The following ZNF20 variants were observed in gnomAD, a reference collection of about 807,000 sequenced individuals.
The protein encoded by ZNF20 is zinc finger protein KOX13.
In ZNF20, 9 loss-of-function variants were observed where a neutral mutation model predicts 11.0. The ratio of observed to expected loss-of-function variants is 0.82; its 90% CI spans 0.49 to 1.43. The LOEUF (loss-of-function observed/expected upper bound fraction) is 1.43. Ranked by LOEUF, ZNF20 falls within the 40% of genes most tolerant of loss-of-function variation. ZNF20 has a pLI of 0.00. For synonymous variants in ZNF20, 182 were observed against 213.0 expected (o/e 0.85, Z 1.27); for missense variants, 528 against 640.8 (o/e 0.82, Z 1.90).
At chr19:12,135,726 ATTTGTTCT>A in intron 2 of ZNF20, 35 bp downstream of exon 2, 1 of 1,608,678 alleles carries the variant, frequency 6.2e-7, no homozygotes. Context: ...AGCTAGAAGC[ATTTGTTCT>A]CTAATTCACT....
At chr19:12,138,244 G>C (rs1976743230) in intron 1 of ZNF20, among the ~76,000 whole-genome samples, 1 of 152,022 alleles carries the variant, frequency 6.6e-6, no homozygotes, top group Admixed American at 6.6e-5. Context: ...TTTGAGCTCA[G>C]GAGTTCGAGA....
rs199517197 is a variant in ZNF20 at position 12,133,821 on chromosome 19, G to A, written c.365C>T (p.Thr122Met). 41 of 1,614,028 alleles carry A rather than the reference G, an allele frequency of 2.5e-5. No homozygotes were observed. Among genetic ancestry groups the A allele is most frequent in the Non-Finnish European group, 3.1e-5 (36 of 1,180,042 alleles). The change falls in exon 4 of 4, where the codon ACG (threonine) becomes ATG (methionine). Residue 122 changes from threonine (T) to methionine (M), a missense_variant. Coordinates refer to ENST00000334213, the MANE Select transcript of ZNF20 (RefSeq NM_021143.4). ...EVGTGHSSLNTHIRADTGHKS... is the reference protein window; with the variant it reads ...EVGTGHSSLNMHIRADTGHKS... ...GTGTCCAGTGTCAGCTCTGATATGC[G>A]TATTAAGAGATGAATGACCCGTGCC...
At position 12,132,974 on chromosome 19, in the gene ZNF20, G is replaced by A. The variant is rs1976647981; in HGVS notation, c.1212C>T (p.Phe404=). The A allele has an allele frequency of 6.2e-7, 1 of 1,613,634 alleles. No individual in the cohort carries two copies. Among genetic ancestry groups the A allele is most frequent in the Admixed American group, 1.7e-5 (1 of 59,954 alleles). The change falls in exon 4 of 4, where the codon TTC becomes TTT. Residue 404 remains phenylalanine (F), a synonymous_variant. Coordinates refer to ENST00000334213, the MANE Select transcript of ZNF20 (RefSeq NM_021143.4). Reference sequence around the variant, plus strand: ...GTATACGCAAGGAAGAAAAATACTTGAATACTTTTCCACATTCCTTACATT... The same window carrying A: ...GTATACGCAAGGAAGAAAAATACTTAAATACTTTTCCACATTCCTTACATT... The part of the protein sequence containing the change: ...PHECKECGKV[F]KYFSSLRIHE...
chr19:12,131,911 TC>T lies in ZNF20; in HGVS notation c.*675del, dbSNP rs1249755873. 1.3e-5 allele frequency: 2 copies of T among 152,238 alleles called. No individual in the cohort carries two copies. Among genetic ancestry groups the T allele is most frequent in the Non-Finnish European group, 2.9e-5 (2 of 68,040 alleles). 9.4% of individuals were successfully genotyped at this position (152,238 alleles called of 1,614,324 possible). ...TGAATAACAGCAAATGCTTGAAATT[TC>T]CTGATAAGAGCAAGGTGGCTCTTCT... On this transcript the variant is annotated 3_prime_UTR_variant, in exon 4 of 4. Transcript: ENST00000334213.
In ZNF20 at chr19:12,133,183, C is replaced by T. The variant is rs767010680; in HGVS notation, c.1003G>A (p.Gly335Arg). The change falls in exon 4 of 4, where the codon GGA (glycine) becomes AGA (arginine). Residue 335 changes from glycine to arginine, a missense_variant. Physicochemically the swap from Gly to Arg is moderately radical, Grantham distance 125. Coordinates refer to ENST00000334213, the MANE Select transcript of ZNF20 (RefSeq NM_021143.4). ...TGCCTACATTCATAGGGTTTCTCTC[C>T]AGTGTGAGTCCTTCCATGCTTTTGA... ...HLQKHGRTHT[G>R]EKPYECRQCG... The T allele has an allele frequency of 5.0e-6, 8 of 1,613,814 alleles. No individual in the cohort carries two copies. The Admixed American group carries it at 1.0e-4, about 20-fold the overall frequency.
At chr19:12,136,056 C>T (rs1282266720) in intron 1 of ZNF20, 152 bp from the exon 2 acceptor site, 2 of 1,007,514 alleles carry the variant, frequency 2.0e-6, no homozygotes, top group Non-Finnish European at 2.8e-6. Context: ...CACGTCCTCC[C>T]ACAAACCAAC....
Position 12,133,943 on chromosome 19 carries a change from GTGA to G in ZNF20, c.240_242del (p.His81del), listed in dbSNP as rs1976668995. The G allele has an allele frequency of 3.1e-6, 5 of 1,611,922 alleles. No homozygotes were observed. The Admixed American group carries it at 8.4e-5, about 27-fold the overall frequency. On this transcript the variant is annotated inframe_deletion, in exon 4 of 4. Transcript: ENST00000334213. Reference sequence around the variant, plus strand: ...CAATCTGGTTGAAGCTTTCTCCACAGTGATGACTTTCTTTACTTTCACAGAGTT... The same window carrying G: ...CAATCTGGTTGAAGCTTTCTCCACAGTGACTTTCTTTACTTTCACAGAGTT...
In ZNF20 at chr19:12,131,455, C is replaced by T. The variant is rs1976621193; in HGVS notation, c.*1132G>A. On this transcript the variant is annotated 3_prime_UTR_variant, in exon 4 of 4. Transcript: ENST00000334213. Reference sequence around the variant, plus strand: ...TTACCACAGTATATTATTACACCCTCTTTGACGACACTTATGCCACTGGTG... The same window carrying T: ...TTACCACAGTATATTATTACACCCTTTTTGACGACACTTATGCCACTGGTG... 6.6e-6 allele frequency: 1 copy of T among 152,186 alleles called. No individual in the cohort carries two copies. The highest frequency in any genetic ancestry group is 1.5e-5 in the Non-Finnish European group (1 of 68,042). 9.4% of individuals were successfully genotyped at this position (152,186 alleles called of 1,614,324 possible). A position where few individuals can be genotyped will look rare whatever the true frequency, so the allele number is the denominator to read the frequency against.
Position 12,132,564 on chromosome 19 carries a change from G to A in ZNF20, c.*23C>T, listed in dbSNP as rs375486169. 72 of 1,540,056 alleles carry A rather than the reference G, an allele frequency of 4.7e-5. No individual in the cohort carries two copies. The highest frequency in any genetic ancestry group is 5.1e-5 in the Non-Finnish European group (58 of 1,147,828). On this transcript the variant is annotated 3_prime_UTR_variant, in exon 4 of 4. Coordinates refer to ENST00000334213, the MANE Select transcript of ZNF20 (RefSeq NM_021143.4). ...AGTGGGACAACAGAAAGCTTCTCCC[G>A]TTGCTTCCACTAAAAGGATTTCTCA...
rs1467156059 is a variant in ZNF20 at position 12,133,715 on chromosome 19, G to A, written c.471C>T (p.Ser157=). 2.0e-5 allele frequency: 32 copies of A among 1,614,160 alleles called. No individual in the cohort carries two copies. Among genetic ancestry groups the A allele is most frequent in the Non-Finnish European group, 2.7e-5 (32 of 1,180,028 alleles). The change falls in exon 4 of 4, where the codon TCC becomes TCT. Residue 157 remains serine (S), a synonymous_variant. Transcript: ENST00000334213. The part of the protein sequence containing the change: ...ECKKAFSYLD[S]FQSHDKACTK... ...TGCAAGCTTTATCATGTGATTGAAA[G>A]GAGTCAAGATAACTGAAGGCTTTCT...
Position 12,135,549 on chromosome 19 carries a change from T to C in ZNF20, c.151A>G (p.Lys51Glu), listed in dbSNP as rs143550373. ...KNLTSVGKTW[K>E]VQNIEDEYKN... is the part of the protein sequence containing the mutation. Reference sequence around the variant, plus strand: ...TACTCATCTTCAATGTTCTGAACTTTCCATGTTTTTCCTAAAACACAGACC... The same window carrying C: ...TACTCATCTTCAATGTTCTGAACTTCCCATGTTTTTCCTAAAACACAGACC... The change falls in exon 3 of 4, where the codon AAA becomes GAA. Residue 51 changes from lysine (K) to glutamate (E), a missense_variant. Coordinates refer to ENST00000334213, the MANE Select transcript of ZNF20 (RefSeq NM_021143.4). The C allele has an allele frequency of 2.5e-6, 4 of 1,612,834 alleles. No individual in the cohort carries two copies. Among genetic ancestry groups the C allele is most frequent in the Non-Finnish European group, 3.4e-6 (4 of 1,179,674 alleles).
chr19:12,140,224 CGTGAATA>C lies in ZNF20; in HGVS notation c.-49_-43del. 6.3e-7 allele frequency: 1 copy of C among 1,595,714 alleles called. No homozygotes were observed. The highest frequency in any genetic ancestry group is 8.5e-7 in the Non-Finnish European group (1 of 1,170,854). On this transcript the variant is annotated 5_prime_UTR_variant, in exon 1 of 4. Coordinates refer to ENST00000334213, the MANE Select transcript of ZNF20 (RefSeq NM_021143.4). ...GTCCCGGTGTCCTCTCTAGGGCTCC[CGTGAATA>C]GTGCGGGTCACGGTGCAGGCGGCAG...
rs768408182 is a variant in ZNF20, at chr19:12,132,693, C to G, written c.1493G>C (p.Arg498Thr). 1.2e-6 allele frequency: 2 copies of G among 1,614,040 alleles called. No homozygotes were observed. Among genetic ancestry groups the G allele is most frequent in the Non-Finnish European group, 1.7e-6 (2 of 1,179,982 alleles). Reference protein sequence around the residue: ...FISNYIRYHERTHTGEKPYQC... With the variant: ...FISNYIRYHETTHTGEKPYQC... The stretch of plus-strand genomic sequence containing the variant: ...ATAGGGTTTCTCTCCAGTGTGAGTC[C>G]TTTCATGATATCGAATGTAATTGGA... The change falls in exon 4 of 4, where the codon AGG becomes ACG. Residue 498 changes from arginine to threonine, a missense_variant. Coordinates refer to ENST00000334213, the MANE Select transcript of ZNF20 (RefSeq NM_021143.4).
Position 12,132,930 on chromosome 19 carries a change from C to T in ZNF20, c.1256G>A (p.Gly419Glu), listed in dbSNP as rs1249289635. 1 of 1,613,992 alleles carries T rather than the reference C, an allele frequency of 6.2e-7. No individual in the cohort carries two copies. The highest frequency in any genetic ancestry group is 1.3e-5 in the African/African-American group (1 of 74,926). The change falls in exon 4 of 4, where the codon GGA becomes GAA. Residue 419 changes from glycine to glutamate, a missense_variant. Physicochemically the swap from Gly to Glu is moderately conservative, Grantham distance 98. Coordinates refer to ENST00000334213, the MANE Select transcript of ZNF20 (RefSeq NM_021143.4). ...TTGCTTACATTCATGGGGCTTCTCTCCAGTGTGCGTCCTTTCATGTATACG... is the reference window on the plus strand; with the variant it reads ...TTGCTTACATTCATGGGGCTTCTCTTCAGTGTGCGTCCTTTCATGTATACG... The part of the protein sequence containing the change: ...SLRIHERTHT[G>E]EKPHECKQCG...
chr19:12,134,032 T>G, intron 3 of ZNF20, 47 bp from the exon 4 acceptor site: 1 of 1,529,058 alleles, frequency 6.5e-7, no homozygotes, highest in Non-Finnish European at 8.8e-7. Context: ...TGATTAAAAG[T>G]GACTTATAGG....
intron 3 of ZNF20, among the ~76,000 whole-genome samples, chr19:12,134,665 AT>A (rs1976681944): frequency 6.6e-6 from 1 of 152,162 alleles, no homozygotes; most frequent in Admixed American, 6.6e-5. Flanking sequence ...AAAAAACATG[AT>A]TTATATCATT....
rs201995795 is a variant in ZNF20 at position 12,133,474 on chromosome 19, G to T, written c.712C>A (p.Arg238Ser). Reference sequence around the variant, plus strand: ...TCATGTACTGGAAGGGTAGTGGAACGAGTAAAGGCCTTACCACATTGTTTA... The same window carrying T: ...TCATGTACTGGAAGGGTAGTGGAACTAGTAAAGGCCTTACCACATTGTTTA... Reference protein sequence around the residue: ...KCKQCGKAFTRSTTLPVHERT... With the variant: ...KCKQCGKAFTSSTTLPVHERT... Residue 238 changes from arginine (R) to serine (S), a missense_variant, in exon 4 of 4, where the codon CGT becomes AGT. Arg to Ser is a moderately radical substitution (Grantham distance 110, BLOSUM62 -1). Transcript: ENST00000334213. The T allele has an allele frequency of 1.9e-6, 3 of 1,614,142 alleles. No individual in the cohort carries two copies. Among genetic ancestry groups the T allele is most frequent in the South Asian group, 2.2e-5 (2 of 91,084 alleles).
chr19:12,133,620 T>C lies in ZNF20; in HGVS notation c.566A>G (p.His189Arg). The C allele has an allele frequency of 1.2e-6, 2 of 1,614,242 alleles. No homozygotes were observed. Among genetic ancestry groups the C allele is most frequent in the Middle Eastern group, 1.6e-4 (1 of 6,062 alleles). Residue 189 changes from histidine to arginine, a missense_variant, in exon 4 of 4, where the codon CAC becomes CGC. His to Arg is a conservative substitution (Grantham distance 29). Coordinates refer to ENST00000334213, the MANE Select transcript of ZNF20 (RefSeq NM_021143.4). ...TCCATCTCCACTGTGCATTACCCTG[T>C]GTCTTTGAATGCATGAATGGGAAAT... ...TFISHSCIQR[H>R]RVMHSGDGPY... is the part of the protein sequence containing the mutation.
In ZNF20 at chr19:12,140,244, G is replaced by A; in HGVS notation, c.-62C>T. 1 of 1,580,768 alleles carries A rather than the reference G, an allele frequency of 6.3e-7. No homozygotes were observed. Among genetic ancestry groups the A allele is most frequent in the South Asian group, 1.1e-5 (1 of 87,010 alleles). On this transcript the variant is annotated 5_prime_UTR_variant, in exon 1 of 4. Transcript: ENST00000334213. ...GCTCCCGTGAATAGTGCGGGTCACG[G>A]TGCAGGCGGCAGAGCGACAGAAGTT...
Sources: allele counts gnomAD v4.1 joint callset (sites outside exome capture counted in the v4.1 genomes callset), GRCh38; gene constraint gnomAD v4.1.1; transcripts MANE v1.5; gene names NCBI Gene and HGNC (gene_info 2026-07-23, HGNC 2026-07-21).